The following ZNF74 variants were observed in gnomAD, a reference collection of about 807,000 sequenced individuals.
ZNF74 encodes the protein zinc finger protein 74.
A neutral mutation model predicts 17.7 loss-of-function variants in ZNF74; 12 were observed. The ratio of observed to expected loss-of-function variants is 0.68; its 90% confidence interval spans 0.43 to 1.10. The LOEUF is 1.10. Among genes scored for constraint, ZNF74 ranks in the 50% least tolerant of loss-of-function variants. The pLI is 0.00. For synonymous variants in ZNF74, 358 were observed against 362.1 expected (o/e 0.99, Z 0.13); for missense variants, 811 against 881.0 (o/e 0.92, Z 1.01).
intron 4 of ZNF74, among the ~76,000 whole-genome samples, chr22:20,403,964 T>G (rs891789345): frequency 6.6e-6 from 1 of 152,228 alleles, no homozygotes; most frequent in African/African-American, 2.4e-5. Context: ...CCTCTGAGCT[T>G]CTGCACATGC....
chr22:20,404,223 G>A (rs1052744228), intron 4 of ZNF74, among the ~76,000 whole-genome samples: 1 of 152,216 alleles, frequency 6.6e-6, no homozygotes, highest in African/African-American at 2.4e-5. Context: ...CAGATGTGGT[G>A]TACAGGAGAG....
intron 2 of ZNF74, 107 bp downstream of exon 2, chr22:20,395,525 C>A: frequency 1.2e-6 from 1 of 807,098 alleles, no homozygotes; most frequent in Non-Finnish European, 2.0e-6. Context: ...ACCTGCTGGC[C>A]AGTCCTCAGG....
chr22:20,400,459 T>A, intron 2 of ZNF74, 173 bp from the exon 3 acceptor site: 56 of 609,292 alleles, frequency 9.2e-5, no homozygotes, highest in Non-Finnish European at 1.4e-4. Flanking sequence ...CCCCCCTCCC[T>A]GCCCCTGGTC....
chr22:20,394,168 C>T lies in ZNF74; in HGVS notation c.-461C>T. 1 of 619,948 alleles carries T rather than the reference C, an allele frequency of 1.6e-6. No homozygotes were observed. The highest frequency in any genetic ancestry group is 2.9e-6 in the Non-Finnish European group (1 of 342,146). The allele number at this position is 619,948 out of a possible 1,614,324, so 38.4% of individuals were successfully genotyped here. ...GCTTTCCCGCAGCGGCCGCCTGCTG[C>T]TCTTTGTGGCAGTCGCAGTCCTTTT... On this transcript the variant is annotated 5_prime_UTR_variant, in exon 1 of 5. Transcript: ENST00000400451.
In ZNF74 at chr22:20,406,885, G is replaced by A. The variant is rs746847705; in HGVS notation, c.1852G>A (p.Ala618Thr). 4.3e-6 allele frequency: 7 copies of A among 1,613,926 alleles called. No individual in the cohort carries two copies. The highest frequency in any genetic ancestry group is 1.3e-5 in the African/African-American group (1 of 74,916). ...ACTGAGGGACGTGGATCCCATCGAC[G>A]CGCTGGATGTGGCAAAGCTCTTGTG... Reference protein sequence around the residue: ...AGLRDVDPIDALDVAKLLCVV... With the variant: ...AGLRDVDPIDTLDVAKLLCVV... Residue 618 changes from alanine (A) to threonine (T), a missense_variant, in exon 5 of 5, where the codon GCG becomes ACG. Coordinates refer to ENST00000400451, the MANE Select transcript of ZNF74 (RefSeq NM_003426.4).
In ZNF74 at chr22:20,405,685, T is replaced by C. The variant is rs1411700894; in HGVS notation, c.652T>C (p.Cys218Arg). 1.2e-6 allele frequency: 2 copies of C among 1,609,326 alleles called. No individual in the cohort carries two copies. Among genetic ancestry groups the C allele is most frequent in the Non-Finnish European group, 1.7e-6 (2 of 1,177,950 alleles). Residue 218 changes from cysteine (C) to arginine (R), a missense_variant, in exon 5 of 5, where the codon TGT (cysteine) becomes CGT (arginine). Physicochemically the swap from Cys to Arg is radical, Grantham distance 180. Coordinates refer to ENST00000400451, the MANE Select transcript of ZNF74 (RefSeq NM_003426.4). ...EGRTKAPARL[C>R]AGENASTPSE... ...CAGAACCAAGGCCCCCGCGAGACTG[T>C]GTGCAGGGGAAAACGCCTCCACGCC...
intron 4 of ZNF74, among the ~76,000 whole-genome samples, chr22:20,402,854 C>T (rs1401358809): frequency 6.6e-6 from 1 of 151,392 alleles, no homozygotes; most frequent in Non-Finnish European, 1.5e-5. Context: ...CACCTGTAAT[C>T]CCAGCTACTC....
intron 1 of ZNF74, 35 bp downstream of exon 1, chr22:20,394,697 G>C: frequency 6.2e-7 from 1 of 1,610,826 alleles, no homozygotes; most frequent in Non-Finnish European, 8.5e-7. Flanking sequence ...TATGTCTGTG[G>C]ATTTGCACTT....
chr22:20,396,425 A>AGACAGAGTCTTGCTCTGTCGCCCAGGCT (rs2052294732), intron 2 of ZNF74, among the ~76,000 whole-genome samples: 1 of 152,138 alleles, frequency 6.6e-6, no homozygotes, highest in Non-Finnish European at 1.5e-5. Context: ...GCTGTATCTT[A>AGACAGAGTCTTGCTCTGTCGCCCAGGCT]GGTCATATTG....
chr22:20,404,752 G>C (rs1387339007), intron 4 of ZNF74, among the ~76,000 whole-genome samples: 1 of 152,142 alleles, frequency 6.6e-6, no homozygotes, highest in Non-Finnish European at 1.5e-5. Context: ...GTTCTAAAGG[G>C]AAGCGCTGGG....
chr22:20,404,795 C>T (rs1264735070), intron 4 of ZNF74, among the ~76,000 whole-genome samples: 1 of 152,148 alleles, frequency 6.6e-6, no homozygotes, highest in East Asian at 1.9e-4. Flanking sequence ...TTTGGCACCA[C>T]AGACAATTTT....
chr22:20,400,466 G>A (rs1235303426), intron 2 of ZNF74, 166 bp from the exon 3 acceptor site: 4 of 727,688 alleles, frequency 5.5e-6, no homozygotes, highest in African/African-American at 3.5e-5. Context: ...CCCTGCCCCT[G>A]GTCCCCGAAT....
chr22:20,407,638 CTA>C lies in ZNF74; in HGVS notation c.*672_*673del, dbSNP rs1345540701. ...TTTAATCAGGAGTTTCCTCCATAAA[CTA>C]TTATTTTCAGAATAATAATAAAACA... On this transcript the variant is annotated 3_prime_UTR_variant, in exon 5 of 5. Coordinates refer to ENST00000400451, the MANE Select transcript of ZNF74 (RefSeq NM_003426.4). 3 of 152,216 alleles carry C rather than the reference CTA, an allele frequency of 2.0e-5. No individual in the cohort carries two copies. Among genetic ancestry groups the C allele is most frequent in the Admixed American group, 1.3e-4 (2 of 15,284 alleles). 9.4% of individuals were successfully genotyped at this position (152,216 alleles called of 1,614,324 possible). A position where few individuals can be genotyped will look rare whatever the true frequency, so the allele number is the denominator to read the frequency against.
At chr22:20,403,976 G>T (rs900687587) in intron 4 of ZNF74, among the ~76,000 whole-genome samples, 1 of 152,104 alleles carries the variant, frequency 6.6e-6, no homozygotes, top group African/African-American at 2.4e-5. Context: ...TGCACATGCT[G>T]TTCACTCTCC....
intron 2 of ZNF74, among the ~76,000 whole-genome samples, chr22:20,398,898 A>C (rs1288190510): frequency 6.6e-6 from 1 of 152,110 alleles, no homozygotes; most frequent in Non-Finnish European, 1.5e-5. Context: ...AATAGCTTCT[A>C]ATTTCCCTAG....
At chr22:20,403,767 C>A (rs539468854) in intron 4 of ZNF74, among the ~76,000 whole-genome samples, 7 of 152,142 alleles carry the variant, frequency 4.6e-5, no homozygotes, top group Non-Finnish European at 7.4e-5. Flanking sequence ...AGACTGTGTC[C>A]CCGCCCTCTG....
intron 2 of ZNF74, among the ~76,000 whole-genome samples, chr22:20,398,499 C>A (rs2052323139): frequency 6.6e-6 from 1 of 152,108 alleles, no homozygotes; most frequent in African/African-American, 2.4e-5. Context: ...TTTGCTATTA[C>A]AAATAAACCC....
At chr22:20,400,399 C>A (rs4546090) in intron 2 of ZNF74, 4 of 530,214 alleles carry the variant, frequency 7.5e-6, no homozygotes, top group Non-Finnish European at 1.4e-5. Flanking sequence ...TCTATTCAGA[C>A]CTGCTTTCCC....
chr22:20,395,335 C>G lies in ZNF74; in HGVS notation c.37C>G (p.Leu13Val). Residue 13 changes from leucine to valine, a missense_variant and splice_region_variant, in exon 2 of 5, where the codon CTT (leucine) becomes GTT (valine). Leu to Val is a conservative substitution (Grantham distance 32). Around this residue, in one of 3 missense-constraint regions of ZNF74, gnomAD observed 666 missense variants for 702.3 expected, o/e 0.95. Transcript: ENST00000400451. Reference protein sequence around the residue: ...IPAPEPEKTALSSQDPALSLK... With the variant: ...IPAPEPEKTAVSSQDPALSLK... ...TTGACTCATTTCTCCTTCGCCAGCTCTTTCCTCTCAGGATCCTGCTCTTTC... is the reference window on the plus strand; with the variant it reads ...TTGACTCATTTCTCCTTCGCCAGCTGTTTCCTCTCAGGATCCTGCTCTTTC... 1 of 1,597,832 alleles carries G rather than the reference C, an allele frequency of 6.3e-7. No individual in the cohort carries two copies. The highest frequency in any genetic ancestry group is 8.6e-7 in the Non-Finnish European group (1 of 1,167,334).
Sources: gnomAD v4.1 joint callset for allele counts (sites outside exome capture counted in the v4.1 genomes callset) on GRCh38, gnomAD v4.1.1 for gene constraint, gnomAD v4.1.1 regional missense constraint, MANE v1.5 for transcripts, NCBI Gene and HGNC (gene_info 2026-07-23, HGNC 2026-07-21) for gene names.